PBX1: variants seen among roughly 807,000 people sequenced by gnomAD.
PBX1 encodes the protein PBX homeobox 1, also known as pre-B-cell leukemia transcription factor 1.
A neutral mutation model predicts 53.4 loss-of-function variants in PBX1; 6 were observed. The observed-to-expected ratio is 0.11, with a 90% CI of 0.06 to 0.22. The LOEUF is 0.22. Among genes scored for constraint, PBX1 ranks in the 10% least tolerant of loss-of-function variants. The probability of loss-of-function intolerance (pLI) is 1.00; values close to 1 mark genes in which losing one functional copy is unlikely to be tolerated. For synonymous variants in PBX1, 204 were observed against 212.3 expected (o/e 0.96, Z 0.34); for missense variants, 251 against 551.4 (o/e 0.46, Z 5.46).
At chr1:164,823,354 TAC>T (rs1369758635) in intron 8 of PBX1, among the ~76,000 whole-genome samples, 2 of 152,010 alleles carry the variant, frequency 1.3e-5, no homozygotes, top group Non-Finnish European at 2.9e-5. Flanking sequence ...TGCAGGTTTA[TAC>T]ACACATGCAT....
intron 2 of PBX1, among the ~76,000 whole-genome samples, chr1:164,724,670 ATTTTTTTTTTTTTTTTTTTTT>A (rs59042806): frequency 8.9e-4 from 43 of 48,236 alleles, no homozygotes; most frequent in Admixed American, 5.9e-3. Flanking sequence ...ATAGCTGCAG[ATTTTTTTTTTTTTTTTTTTTT>A]TTTTTTTTTT....
Position 164,819,958 on chromosome 1 carries a change from T to C in PBX1, c.998-114T>C, listed in dbSNP as rs956048849. On this transcript the variant is annotated intron_variant, in intron 6 of 8. Coordinates refer to ENST00000420696, the MANE Select transcript of PBX1 (RefSeq NM_002585.4). ...GACTCTGTTGATGTTATTTTTATTTTAGTTTTTATTTGGGGGGGGTTGCTT... is the reference window on the plus strand; with the variant it reads ...GACTCTGTTGATGTTATTTTTATTTCAGTTTTTATTTGGGGGGGGTTGCTT... 3.6e-5 allele frequency: 23 copies of C among 645,128 alleles called. No homozygotes were observed. In the African/African-American group the frequency reaches 3.7e-4, roughly 10 times the overall value. The allele number at this position is 645,128 out of a possible 1,614,324, so 40.0% of individuals were successfully genotyped here.
At chr1:164,643,015 A>G (rs1188550708) in intron 2 of PBX1, among the ~76,000 whole-genome samples, 3 of 152,162 alleles carry the variant, frequency 2.0e-5, no homozygotes, top group African/African-American at 7.2e-5. Flanking sequence ...AGTATATTTC[A>G]CTGGGAGCCT....
downstream of PBX1, chr1:164,854,271 C>T (rs1000772345): frequency 6.6e-6 from 1 of 152,146 alleles, no homozygotes; most frequent in African/African-American, 2.4e-5. Context: ...TAATTGATTA[C>T]AACCAGTTAC....
intron 2 of PBX1, among the ~76,000 whole-genome samples, chr1:164,672,150 TTC>T (rs1661155663): frequency 6.6e-6 from 1 of 152,044 alleles, no homozygotes; most frequent in African/African-American, 2.4e-5. Flanking sequence ...GGAGAGTGAT[TTC>T]TCTGCAGCGT....
At chr1:164,734,197 C>A (rs777512747) in intron 2 of PBX1, among the ~76,000 whole-genome samples, 1 of 152,160 alleles carries the variant, frequency 6.6e-6, no homozygotes, top group African/African-American at 2.4e-5. Flanking sequence ...GAGTTATCTC[C>A]TTTCTCATTT....
Position 164,689,615 on chromosome 1 carries a change from G to A in PBX1, c.266-102879G>A, listed in dbSNP as rs1319690095. On this transcript the variant is annotated intron_variant, in intron 2 of 8. Coordinates refer to ENST00000420696, the MANE Select transcript of PBX1 (RefSeq NM_002585.4). ...CCAAGAGGGAATGAGAAGGACCTGC[G>A]ATTGCACAGGAAATTCTGGGGCACA... Among the ~76,000 whole-genome samples the A allele has an allele frequency of 3.3e-5, 5 of 152,274 alleles. No individual in the cohort carries two copies. In the East Asian group the frequency reaches 5.8e-4, roughly 18 times the overall value.
At chr1:164,815,963 A>G (rs762268570) in intron 6 of PBX1, 2 of 152,256 alleles carry the variant, frequency 1.3e-5, no homozygotes, top group Non-Finnish European at 2.9e-5. Flanking sequence ...AAGTTTTTAT[A>G]TAATACACAC....
Position 164,811,985 on chromosome 1 carries a change from T to A in PBX1, c.838-5T>A. ...ACTTTCTCATCTTCTCTTAAACTAC[T>A]CTAGGTATCAAACTGGTTTGGAAAT... is the stretch of plus-strand genomic sequence containing the variant. On this transcript the variant is annotated splice_region_variant and splice_polypyrimidine_tract_variant and intron_variant, in intron 5 of 8. Transcript: ENST00000420696. 1 of 1,612,272 alleles carries A rather than the reference T, an allele frequency of 6.2e-7. No homozygotes were observed. Among genetic ancestry groups the A allele is most frequent in the Non-Finnish European group, 8.5e-7 (1 of 1,178,856 alleles).
At chr1:164,593,113 A>G (rs1205473287) in intron 2 of PBX1, among the ~76,000 whole-genome samples, 1 of 151,972 alleles carries the variant, frequency 6.6e-6, no homozygotes, top group South Asian at 2.1e-4. Context: ...GTGTGCCACC[A>G]CACCCAGCTA....
At chr1:164,653,667 G>C (rs542402895) in intron 2 of PBX1, among the ~76,000 whole-genome samples, 20 of 152,322 alleles carry the variant, frequency 1.3e-4, no homozygotes, top group African/African-American at 4.8e-4. Flanking sequence ...CTACTTGGGA[G>C]ACTAAGGCAG....
At chr1:164,846,472 A>T in intron 8 of PBX1, 112 bp from the exon 9 acceptor site, 1 of 866,658 alleles carries the variant, frequency 1.2e-6, no homozygotes. Context: ...GAGTGTCTCC[A>T]TGTGCCAGGC....
chr1:164,704,547 G>A (rs1663316048), intron 2 of PBX1, among the ~76,000 whole-genome samples: 1 of 152,148 alleles, frequency 6.6e-6, no homozygotes, highest in Non-Finnish European at 1.5e-5. Flanking sequence ...ATTAAAGACT[G>A]AGAGTACGCA....
intron 2 of PBX1, among the ~76,000 whole-genome samples, chr1:164,884,804 C>T (rs868071639): frequency 1.5e-4 from 23 of 152,272 alleles, no homozygotes; most frequent in Non-Finnish European, 7.4e-5. Flanking sequence ...TCTTTCTCTT[C>T]GCCCCCACTA....
intron 2 of PBX1, among the ~76,000 whole-genome samples, chr1:164,588,084 A>G (rs777849898): frequency 6.6e-6 from 1 of 152,188 alleles, no homozygotes; most frequent in Non-Finnish European, 1.5e-5. Context: ...AAGTGACTGC[A>G]TGGTTGCATG....
intron 2 of PBX1, among the ~76,000 whole-genome samples, chr1:164,868,221 G>A (rs1037360494): frequency 1.3e-5 from 2 of 152,182 alleles, no homozygotes; most frequent in African/African-American, 2.4e-5. Context: ...TCTGAGGGGG[G>A]CCATTTTTTT....
chr1:164,700,766 T>TTG, intron 2 of PBX1: 9 of 979,882 alleles, frequency 9.2e-6, no homozygotes, highest in Non-Finnish European at 1.1e-5. Context: ...TGCTTTTCCC[T>TTG]TGTGTTGGGT....
chr1:164,584,610 A>T (rs1654831565), intron 2 of PBX1, among the ~76,000 whole-genome samples: 1 of 152,050 alleles, frequency 6.6e-6, no homozygotes, highest in Non-Finnish European at 1.5e-5. Flanking sequence ...CTGAGTTAAG[A>T]TTTTGTGTTT....
chr1:164,690,466 A>T (rs1243087365), intron 2 of PBX1, among the ~76,000 whole-genome samples: 3 of 152,158 alleles, frequency 2.0e-5, no homozygotes, highest in Non-Finnish European at 4.4e-5. Context: ...CCTTGAAATG[A>T]TTTATTTAAA....
Sources: gnomAD v4.1 joint callset for allele counts (sites outside exome capture counted in the v4.1 genomes callset) on GRCh38, gnomAD v4.1.1 for gene constraint, MANE v1.5 for transcripts, NCBI Gene and HGNC (gene_info 2026-07-23, HGNC 2026-07-21) for gene names.